RABGAP1L: variants seen among roughly 807,000 people sequenced by gnomAD.
RABGAP1L encodes rab GTPase-activating protein 1-like.
In RABGAP1L, 63 loss-of-function variants were observed where a neutral mutation model predicts 137.7. That is an observed-to-expected ratio of 0.46 (90% CI 0.37 to 0.56). RABGAP1L has a LOEUF of 0.56. Ranked by LOEUF, RABGAP1L falls within the 20% of genes least tolerant of loss-of-function variation. RABGAP1L has a pLI of 0.00. For synonymous variants in RABGAP1L, 431 were observed against 433.7 expected (o/e 0.99, Z 0.08); for missense variants, 1,095 against 1,244.0 (o/e 0.88, Z 1.80).
At chr1:174,947,802 T>C (rs1667121753) in intron 19 of RABGAP1L, among the ~76,000 whole-genome samples, 1 of 152,232 alleles carries the variant, frequency 6.6e-6, no homozygotes, top group Non-Finnish European at 1.5e-5. Context: ...AGAATATGGT[T>C]TTTCTCTTCT....
At chr1:174,412,436 G>A (rs930220219) in intron 13 of RABGAP1L, among the ~76,000 whole-genome samples, 1 of 152,066 alleles carries the variant, frequency 6.6e-6, no homozygotes, top group African/African-American at 2.4e-5. Context: ...TGCCTTTTAA[G>A]TGGGGTGTTT....
At chr1:174,163,988 T>A (rs762478848) in intron 1 of RABGAP1L, among the ~76,000 whole-genome samples, 14 of 152,130 alleles carry the variant, frequency 9.2e-5, no homozygotes, top group Non-Finnish European at 1.3e-4. Flanking sequence ...ACATTTACTT[T>A]TTACTGCTCT....
At chr1:174,486,407 C>G (rs561784561) in intron 13 of RABGAP1L, among the ~76,000 whole-genome samples, 12 of 149,218 alleles carry the variant, frequency 8.0e-5, no homozygotes, top group African/African-American at 3.0e-4. Flanking sequence ...AGTGCAGTGG[C>G]GTGATCTCGG....
intron 13 of RABGAP1L, among the ~76,000 whole-genome samples, chr1:174,501,564 G>A (rs1393074058): frequency 6.6e-6 from 1 of 152,096 alleles, no homozygotes; most frequent in East Asian, 1.9e-4. Flanking sequence ...TCACTGATGG[G>A]CATTTAAGGC....
intron 19 of RABGAP1L, among the ~76,000 whole-genome samples, chr1:174,857,203 G>A (rs1056437065): frequency 2.0e-5 from 3 of 152,164 alleles, no homozygotes; most frequent in Admixed American, 1.3e-4. Flanking sequence ...GTTCAGAGCT[G>A]TAAAATTATA....
chr1:174,349,000 G>C (rs1437064905), intron 11 of RABGAP1L, among the ~76,000 whole-genome samples: 1 of 151,830 alleles, frequency 6.6e-6, no homozygotes, highest in Non-Finnish European at 1.5e-5. Context: ...GGTGGTGGCC[G>C]GGCAGAGGCG....
At chr1:174,270,175 C>T (rs1674432165) in intron 7 of RABGAP1L, among the ~76,000 whole-genome samples, 1 of 149,580 alleles carries the variant, frequency 6.7e-6, no homozygotes, top group African/African-American at 2.5e-5. Flanking sequence ...TCTCTAAGGT[C>T]ATGCTGGTTG....
intron 11 of RABGAP1L, among the ~76,000 whole-genome samples, chr1:174,350,973 G>T (rs1479163127): frequency 8.1e-6 from 1 of 123,742 alleles, no homozygotes; most frequent in Non-Finnish European, 1.7e-5. Flanking sequence ...GCAGGCATTC[G>T]GCAGACTGAG....
chr1:174,913,592 G>T (rs992221212), intron 19 of RABGAP1L, among the ~76,000 whole-genome samples: 1 of 152,144 alleles, frequency 6.6e-6, no homozygotes, highest in South Asian at 2.1e-4. Context: ...AGAGAAAAGG[G>T]CAGTGCTTTC....
At chr1:174,642,570 A>G (rs3123641) in intron 14 of RABGAP1L, among the ~76,000 whole-genome samples, 21,698 of 151,760 alleles carry the variant, frequency 0.14, 5,180 homozygotes, top group African/African-American at 0.49. Context: ...TTTTAATTCA[A>G]CTCTTTCTTG....
intron 9 of RABGAP1L, among the ~76,000 whole-genome samples, chr1:174,278,157 C>G (rs1441602148): frequency 1.3e-5 from 2 of 152,172 alleles, no homozygotes; most frequent in Admixed American, 1.3e-4. Flanking sequence ...AATCCCAGCA[C>G]TTTGGGAGGC....
intron 14 of RABGAP1L, among the ~76,000 whole-genome samples, chr1:174,666,842 T>C (rs1676820170): frequency 6.6e-6 from 1 of 152,134 alleles, no homozygotes; most frequent in South Asian, 2.1e-4. Flanking sequence ...GTTGGAAAAC[T>C]AAAAACTTTC....
In RABGAP1L at chr1:174,958,187, AGTAG is replaced by A. The variant is rs575692496; in HGVS notation, c.2433+639_2433+642del. 2.0e-3 allele frequency: 2,755 copies of A among 1,396,534 alleles called. 5 individuals are homozygous for A. Among genetic ancestry groups the A allele is most frequent in the Non-Finnish European group, 2.5e-3 (2,634 of 1,057,550 alleles). The allele number at this position is 1,396,534 out of a possible 1,614,324, so 86.5% of individuals were successfully genotyped here. On this transcript the variant is annotated intron_variant, in intron 20 of 25. Coordinates refer to ENST00000681986, the MANE Select transcript of RABGAP1L (RefSeq NM_001366446.1). The stretch of plus-strand genomic sequence containing the variant: ...AAAATCACAAAGGTATATTGAGCAC[AGTAG>A]TGGTGTTTGTTGCAACATTTATTTC...
intron 3 of RABGAP1L, among the ~76,000 whole-genome samples, chr1:174,230,653 C>T (rs532851457): frequency 3.9e-5 from 6 of 152,038 alleles, no homozygotes; most frequent in African/African-American, 7.2e-5. Context: ...GCCCTTCTAT[C>T]GTTGTGGGAA....
At chr1:174,431,605 C>T (rs1168431945) in intron 13 of RABGAP1L, among the ~76,000 whole-genome samples, 1 of 152,050 alleles carries the variant, frequency 6.6e-6, no homozygotes, top group African/African-American at 2.4e-5. Flanking sequence ...ATACAGAAGC[C>T]TCTAGAAAAT....
chr1:174,515,810 A>G (rs557730006), intron 13 of RABGAP1L, among the ~76,000 whole-genome samples: 10 of 152,254 alleles, frequency 6.6e-5, no homozygotes, highest in African/African-American at 2.4e-4. Flanking sequence ...ATTGCCGATA[A>G]TGGTGGTAAA....
rs1207682937 is a variant in RABGAP1L, at chr1:174,361,787, A to T, written c.1466-9192A>T. On this transcript the variant is annotated intron_variant, in intron 11 of 25. Coordinates refer to ENST00000681986, the MANE Select transcript of RABGAP1L (RefSeq NM_001366446.1). ...CCCTTTATTTTTACTTTTTTAAAAA[A>T]TACTTTTATTCTAAGTTCTGTGGTA... is the stretch of plus-strand genomic sequence containing the variant. Among the ~76,000 whole-genome samples, 3 of 152,268 alleles carry T rather than the reference A, an allele frequency of 2.0e-5. No homozygotes were observed. The East Asian group carries it at 5.8e-4, about 29-fold the overall frequency.
intron 19 of RABGAP1L, among the ~76,000 whole-genome samples, chr1:174,890,968 G>T (rs1480169351): frequency 6.6e-6 from 1 of 152,184 alleles, no homozygotes. Flanking sequence ...ACAAAAGTGT[G>T]TGAGTATATC....
intron 17 of RABGAP1L, among the ~76,000 whole-genome samples, chr1:174,720,175 A>G (rs1038641125): frequency 3.3e-5 from 5 of 152,200 alleles, no homozygotes; most frequent in Non-Finnish European, 7.3e-5. Context: ...GGATGCCAAG[A>G]CAATTTAGTA....
Sources: allele counts gnomAD v4.1 joint callset (sites outside exome capture counted in the v4.1 genomes callset), GRCh38; gene constraint gnomAD v4.1.1; transcripts MANE v1.5; gene names NCBI Gene and HGNC (gene_info 2026-07-23, HGNC 2026-07-21).